The following NEDD9 variants were observed in gnomAD, a reference collection of about 807,000 sequenced individuals.
NEDD9 encodes the protein neural precursor cell expressed, developmentally down-regulated 9, also known as enhancer of filamentation 1.
Under a neutral mutation model 76.6 loss-of-function variants are expected in NEDD9, and 26 were observed. The ratio of observed to expected loss-of-function variants is 0.34; its 90% confidence interval spans 0.25 to 0.47. The LOEUF is 0.47. Ranked by LOEUF, NEDD9 falls within the 20% of genes least tolerant of loss-of-function variation. NEDD9 has a pLI of 1.00. For missense variants in NEDD9, 937 were observed against 1,058.5 expected (o/e 0.89, Z 1.59); for synonymous variants, 392 against 414.2 (o/e 0.95, Z 0.65).
rs1292607287 is a variant in NEDD9, at chr6:11,241,824, C to T, written c.13-28097G>A. 6.6e-6 allele frequency among the ~76,000 whole-genome samples: 1 copy of T among 152,216 alleles called. No homozygotes were observed. Among genetic ancestry groups the T allele is most frequent in the Admixed American group, 6.5e-5 (1 of 15,274 alleles). On this transcript the variant is annotated intron_variant, in intron 3 of 3. Coordinates refer to the NEDD9 transcript ENST00000397378. This position sits in a 1 kb window ranked among gnomAD's most constrained non-coding sequence, Gnocchi z 4.0. ...TGAGGCCGGCCAATGTCCAGCAGGC[C>T]CCGGGCCCAGAGCCTCTGGCCTGTC...
chr6:11,221,408 G>GA (rs1001944162), intron 1 of NEDD9, among the ~76,000 whole-genome samples: 25 of 150,862 alleles, frequency 1.7e-4, no homozygotes, highest in African/African-American at 5.8e-4. Flanking sequence ...AAAAGAAAAA[G>GA]AAAAAAAGAA....
intron 1 of NEDD9, among the ~76,000 whole-genome samples, chr6:11,362,328 T>C (rs950975282): frequency 1.3e-5 from 2 of 152,214 alleles, no homozygotes; most frequent in African/African-American, 4.8e-5. Flanking sequence ...TAGTCTATAG[T>C]ACTCGGTTCT....
At position 11,370,187 on chromosome 6, in the gene NEDD9, GGCCA is replaced by G. The variant is rs1346769562; in HGVS notation, c.-214+11948_-214+11951del. ...AATCATGCTTGTGGGAACCCAAGGA[GGCCA>G]GCCCCTGAATCACAGGCCTGCTTAG... On this transcript the variant is annotated intron_variant, in intron 1 of 3. Transcript: ENST00000397378. The surrounding 1 kb of genome is among the most constrained non-coding windows in gnomAD (Gnocchi z 4.2). Among the ~76,000 whole-genome samples, 1 of 152,172 alleles carries G rather than the reference GGCCA, an allele frequency of 6.6e-6. No homozygotes were observed. The highest frequency in any genetic ancestry group is 1.5e-5 in the Non-Finnish European group (1 of 68,036).
chr6:11,230,283 T>C (rs1450597319), intron 1 of NEDD9, among the ~76,000 whole-genome samples: 1 of 152,212 alleles, frequency 6.6e-6, no homozygotes, highest in East Asian at 1.9e-4. Context: ...CAACGATAGC[T>C]CTTTCTCTTT....
upstream of NEDD9, among the ~76,000 whole-genome samples, chr6:11,234,115 C>T (rs896301278): frequency 6.6e-6 from 1 of 152,172 alleles, no homozygotes; most frequent in Non-Finnish European, 1.5e-5. Context: ...GTTGACATAC[C>T]TGTTCCAGCC....
At chr6:11,208,776 G>C (rs527614450) in intron 2 of NEDD9, among the ~76,000 whole-genome samples, 1 of 152,346 alleles carries the variant, frequency 6.6e-6, no homozygotes, top group East Asian at 1.9e-4. Context: ...TTCCCATGCA[G>C]ATCAACTGTG....
At chr6:11,197,191 T>A (rs1355764998) in intron 2 of NEDD9, among the ~76,000 whole-genome samples, 4 of 152,232 alleles carry the variant, frequency 2.6e-5, no homozygotes, top group Non-Finnish European at 5.9e-5. Flanking sequence ...AAGGACATTT[T>A]TAAACTAATT....
chr6:11,215,703 C>T (rs145738553), intron 1 of NEDD9, among the ~76,000 whole-genome samples: 1 of 152,178 alleles, frequency 6.6e-6, no homozygotes, highest in African/African-American at 2.4e-5. Context: ...CTTCTGGGCC[C>T]ATTCAGCAAT....
chr6:11,344,677 G>C (rs565665879), intron 1 of NEDD9, among the ~76,000 whole-genome samples: 44 of 152,282 alleles, frequency 2.9e-4, no homozygotes, highest in African/African-American at 1.0e-3. Flanking sequence ...GCTTGGTGCT[G>C]TGTCCAGGTT....
chr6:11,302,829 A>C (rs887420881), intron 3 of NEDD9, among the ~76,000 whole-genome samples: 1 of 152,228 alleles, frequency 6.6e-6, no homozygotes, highest in Non-Finnish European at 1.5e-5. Context: ...TTCATGCTAA[A>C]AACTCTCAAT....
chr6:11,343,199 G>A (rs1289671140), intron 1 of NEDD9, among the ~76,000 whole-genome samples: 2 of 152,168 alleles, frequency 1.3e-5, no homozygotes, highest in African/African-American at 2.4e-5. Flanking sequence ...GGAGGCTGAG[G>A]CGGGTGGATC....
chr6:11,265,374 AT>A (rs1419770019), intron 3 of NEDD9, among the ~76,000 whole-genome samples: 2 of 151,992 alleles, frequency 1.3e-5, no homozygotes, highest in Non-Finnish European at 2.9e-5. Flanking sequence ...TTAAATTTTC[AT>A]TTTTTTCTGG....
At chr6:11,192,778 C>T (rs766042045) in intron 3 of NEDD9, among the ~76,000 whole-genome samples, 20 of 150,906 alleles carry the variant, frequency 1.3e-4, no homozygotes, top group Non-Finnish European at 2.5e-4. Context: ...ACTAAAAATA[C>T]AAAAATTAGC....
In NEDD9 at chr6:11,241,825, C is replaced by G. The variant is rs957502883; in HGVS notation, c.13-28098G>C. On this transcript the variant is annotated intron_variant, in intron 3 of 3. Transcript: ENST00000397378. The surrounding 1 kb of genome is among the most constrained non-coding windows in gnomAD (Gnocchi z 4.0). ...GAGGCCGGCCAATGTCCAGCAGGCC[C>G]CGGGCCCAGAGCCTCTGGCCTGTCC... Among the ~76,000 whole-genome samples the G allele has an allele frequency of 6.6e-6, 1 of 152,210 alleles. No homozygotes were observed. The highest frequency in any genetic ancestry group is 2.4e-5 in the African/African-American group (1 of 41,460).
intron 3 of NEDD9, among the ~76,000 whole-genome samples, chr6:11,192,898 A>G (rs1397915993): frequency 1.6e-5 from 2 of 121,990 alleles, no homozygotes; most frequent in African/African-American, 6.4e-5. Flanking sequence ...GTGCCACTGC[A>G]CTCCCAGCCT....
rs547103482 is a variant in NEDD9 at position 11,339,436 on chromosome 6, A to T, written c.-213-4875T>A. Among the ~76,000 whole-genome samples the T allele has an allele frequency of 6.6e-5, 10 of 152,268 alleles. No homozygotes were observed. In the East Asian group the frequency reaches 1.9e-3, roughly 29 times the overall value. On this transcript the variant is annotated intron_variant, in intron 1 of 3. Transcript: ENST00000397378. ...GCTCTCTCCCTCATTAAATAAATGG[A>T]TACTCTTTTTCTACTTGAGGTAGTT...
chr6:11,268,135 T>TTCTCCCTCCTTAC (rs1760234594), intron 3 of NEDD9, among the ~76,000 whole-genome samples: 1 of 152,224 alleles, frequency 6.6e-6, no homozygotes, highest in African/African-American at 2.4e-5. Context: ...GCTCAGGCGA[T>TTCTCCCTCCTTAC]TCTCCCTCCT....
Position 11,193,007 on chromosome 6 carries a change from A to C in NEDD9, c.562-561T>G, listed in dbSNP as rs1005324183. Among the ~76,000 whole-genome samples, 22 of 145,712 alleles carry C rather than the reference A, an allele frequency of 1.5e-4. No individual in the cohort carries two copies. The Admixed American group carries it at 1.5e-3, about 10-fold the overall frequency. On this transcript the variant is annotated intron_variant, in intron 3 of 6. Transcript: ENST00000379446. ...CTGTCTGTACTTTAAAGTGTAGTTT[A>C]AATTTTCTACTTTCCAGCTGGGGGC...
intron 3 of NEDD9, among the ~76,000 whole-genome samples, chr6:11,299,944 G>T (rs1396368482): frequency 6.6e-6 from 1 of 152,188 alleles, no homozygotes; most frequent in East Asian, 1.9e-4. Context: ...AAAACAGAGT[G>T]CCTCTTCTCC....
Sources: gnomAD v4.1 joint callset for allele counts (sites outside exome capture counted in the v4.1 genomes callset) on GRCh38, gnomAD v4.1.1 for gene constraint, Gnocchi (gnomAD v3.1) non-coding constraint, MANE v1.5 for transcripts, NCBI Gene and HGNC (gene_info 2026-07-23, HGNC 2026-07-21) for gene names.